The following KCNH8 variants were observed in gnomAD, a reference collection of about 807,000 sequenced individuals.
KCNH8 encodes voltage-gated delayed rectifier potassium channel KCNH8.
A neutral mutation model predicts 103.6 loss-of-function variants in KCNH8; 70 were observed. The ratio of observed to expected loss-of-function variants is 0.68; its 90% confidence interval spans 0.56 to 0.82. The LOEUF (loss-of-function observed/expected upper bound fraction) is 0.82, where lower values mean the gene tolerates loss of function less well. Ranked by LOEUF, KCNH8 falls within the 40% of genes least tolerant of loss-of-function variation. The probability of loss-of-function intolerance (pLI) is 0.00; values close to 1 mark genes in which losing one functional copy is unlikely to be tolerated. For missense variants in KCNH8, 1,217 were observed against 1,329.9 expected (o/e 0.92, Z 1.32); for synonymous variants, 498 against 489.4 (o/e 1.02, Z -0.23).
At chr3:19,289,010 TG>T (rs1281749280) in intron 3 of KCNH8, among the ~76,000 whole-genome samples, 4 of 152,234 alleles carry the variant, frequency 2.6e-5, no homozygotes, top group Non-Finnish European at 5.9e-5. Context: ...ACGTGTCTTT[TG>T]GCTGCATAAA....
At chr3:19,242,069 TC>T (rs2064149459) in intron 1 of KCNH8, among the ~76,000 whole-genome samples, 2 of 152,120 alleles carry the variant, frequency 1.3e-5, no homozygotes, top group Admixed American at 1.3e-4. Flanking sequence ...GGAAGAACAT[TC>T]TTGAGTATAA....
chr3:19,288,945 CATT>C (rs1469915760), intron 3 of KCNH8, among the ~76,000 whole-genome samples: 1 of 152,118 alleles, frequency 6.6e-6, no homozygotes, highest in Non-Finnish European at 1.5e-5. Context: ...GATGGTATCT[CATT>C]GTGGTTTTGA....
chr3:19,431,491 C>T (rs572698432), intron 7 of KCNH8, among the ~76,000 whole-genome samples: 6 of 152,228 alleles, frequency 3.9e-5, no homozygotes, highest in African/African-American at 1.2e-4. Context: ...ATAATGCTGG[C>T]CTCCTTAGGA....
Position 19,434,685 on chromosome 3 carries a change from C to A in KCNH8, c.1178-3479C>A, listed in dbSNP as rs547070039. 2.8e-3 allele frequency among the ~76,000 whole-genome samples: 422 copies of A among 152,218 alleles called. 4 individuals are homozygous for A. The highest frequency in any genetic ancestry group is 9.2e-3 in the African/African-American group (383 of 41,538). On this transcript the variant is annotated intron_variant, in intron 7 of 15. Coordinates refer to ENST00000328405, the MANE Select transcript of KCNH8 (RefSeq NM_144633.3). The stretch of plus-strand genomic sequence containing the variant: ...TTCAGAATTGTGGAGAGGGGGGAAA[C>A]AAATGTTAGTAAGAGTATTTTTTTA...
chr3:19,251,985 T>C (rs2064284682), intron 1 of KCNH8, among the ~76,000 whole-genome samples: 3 of 152,196 alleles, frequency 2.0e-5, no homozygotes, highest in Admixed American at 2.0e-4. Flanking sequence ...CTGTAGTTTT[T>C]TCATTTTTAT....
intron 11 of KCNH8, among the ~76,000 whole-genome samples, chr3:19,492,516 T>G (rs996495885): frequency 1.3e-5 from 2 of 152,228 alleles, no homozygotes; most frequent in Admixed American, 6.5e-5. Context: ...TTTTCTATTC[T>G]GTTCCATTGG....
chr3:19,350,893 T>A (rs947630012), intron 5 of KCNH8, among the ~76,000 whole-genome samples: 4 of 152,056 alleles, frequency 2.6e-5, no homozygotes, highest in African/African-American at 9.7e-5. Context: ...TTTGACGAGT[T>A]GAGAGAAGAC....
chr3:19,457,452 G>T (rs1169643915), intron 11 of KCNH8, among the ~76,000 whole-genome samples: 1 of 151,922 alleles, frequency 6.6e-6, no homozygotes, highest in African/African-American at 2.4e-5. Context: ...ATGCATAAAA[G>T]GATTCAAGCG....
At chr3:19,364,487 G>A (rs1222847553) in intron 5 of KCNH8, among the ~76,000 whole-genome samples, 1 of 152,124 alleles carries the variant, frequency 6.6e-6, no homozygotes, top group Non-Finnish European at 1.5e-5. Context: ...ATTGAGCATT[G>A]ATCTTTGACT....
chr3:19,312,000 A>G (rs927985156), intron 3 of KCNH8, among the ~76,000 whole-genome samples: 3 of 151,942 alleles, frequency 2.0e-5, no homozygotes, highest in Non-Finnish European at 4.4e-5. Context: ...AATTTTAGAC[A>G]TACGGATTGC....
intron 10 of KCNH8, 131 bp downstream of exon 10, chr3:19,451,535 CAT>C: frequency 1.3e-6 from 1 of 787,270 alleles, no homozygotes; most frequent in South Asian, 1.7e-5. Flanking sequence ...GAGTATTCCT[CAT>C]ATGAGTTTAG....
intron 3 of KCNH8, among the ~76,000 whole-genome samples, chr3:19,291,762 G>T (rs978464443): frequency 6.6e-6 from 1 of 152,180 alleles, no homozygotes; most frequent in African/African-American, 2.4e-5. Context: ...TATTAGGTCA[G>T]CTTGGTGCAG....
At chr3:19,281,365 G>A in intron 3 of KCNH8, 36 bp downstream of exon 3, 1 of 1,545,168 alleles carries the variant, frequency 6.5e-7, no homozygotes, top group Non-Finnish European at 8.7e-7. Flanking sequence ...GACAGATGGA[G>A]TAACATTTTG....
chr3:19,168,675 C>T (rs1052996705), intron 1 of KCNH8, among the ~76,000 whole-genome samples: 1 of 152,120 alleles, frequency 6.6e-6, no homozygotes, highest in African/African-American at 2.4e-5. Context: ...AGGGCATGTG[C>T]CATCTGAGTG....
intron 1 of KCNH8, among the ~76,000 whole-genome samples, chr3:19,172,645 A>G (rs958075308): frequency 1.3e-5 from 2 of 152,164 alleles, no homozygotes; most frequent in Non-Finnish European, 2.9e-5. Context: ...TTTAATCCAC[A>G]TAACAGTCTT....
At chr3:19,413,584 T>C (rs2066816356) in intron 7 of KCNH8, among the ~76,000 whole-genome samples, 1 of 151,928 alleles carries the variant, frequency 6.6e-6, no homozygotes, top group Non-Finnish European at 1.5e-5. Flanking sequence ...ACAGAGACAA[T>C]ATACATGGCT....
At chr3:19,312,928 G>A (rs796548332) in intron 3 of KCNH8, among the ~76,000 whole-genome samples, 3 of 151,862 alleles carry the variant, frequency 2.0e-5, no homozygotes, top group African/African-American at 2.4e-5. Context: ...GGATGACTTC[G>A]TGTTGTTCTG....
At chr3:19,288,181 CTTTTT>C (rs767659898) in intron 3 of KCNH8, among the ~76,000 whole-genome samples, 1 of 38,162 alleles carries the variant, frequency 2.6e-5, no homozygotes, top group Non-Finnish European at 5.1e-5. Flanking sequence ...TATCAAACTT[CTTTTT>C]TTTTTTTTTT....
intron 5 of KCNH8, among the ~76,000 whole-genome samples, chr3:19,373,456 T>G (rs1425708151): frequency 6.6e-6 from 1 of 152,224 alleles, no homozygotes; most frequent in Non-Finnish European, 1.5e-5. Flanking sequence ...TCGGTGGTTA[T>G]GTCCCGTTTA....
Sources: gnomAD v4.1 joint callset for allele counts (sites outside exome capture counted in the v4.1 genomes callset) on GRCh38, gnomAD v4.1.1 for gene constraint, MANE v1.5 for transcripts, NCBI Gene and HGNC (gene_info 2026-07-23, HGNC 2026-07-21) for gene names.